The following SCN2A variants were observed in gnomAD, a reference collection of about 807,000 sequenced individuals.
SCN2A encodes the protein sodium channel protein type 2 subunit alpha.
In SCN2A, 20 loss-of-function variants were observed where a neutral mutation model predicts 188.7. The observed-to-expected ratio is 0.11, with a 90% confidence interval of 0.07 to 0.15. SCN2A has a LOEUF of 0.15. Among genes scored for constraint, SCN2A ranks in the 10% least tolerant of loss-of-function variants. The probability of loss-of-function intolerance (pLI) is 1.00; values close to 1 mark genes in which losing one functional copy is unlikely to be tolerated. For synonymous variants in SCN2A, 804 were observed against 833.1 expected (o/e 0.97, Z 0.60); for missense variants, 1,278 against 2,445.0 (o/e 0.52, Z 10.07).
intron 1 of SCN2A, chr2:165,290,851 T>C: frequency 1.2e-6 from 1 of 848,374 alleles, no homozygotes. Flanking sequence ...CATATGTATA[T>C]ATCCCGATAT....
At chr2:165,335,085 A>G (rs986910953) in intron 14 of SCN2A, among the ~76,000 whole-genome samples, 2 of 151,686 alleles carry the variant, frequency 1.3e-5, no homozygotes, top group Non-Finnish European at 3.0e-5. Flanking sequence ...AAAGCTATAA[A>G]ATATTGTTGA....
intron 1 of SCN2A, among the ~76,000 whole-genome samples, chr2:165,291,575 T>TCCTTCCTTTCTCTCTCTCTCTC (rs1460696524): frequency 1.4e-5 from 1 of 70,550 alleles, no homozygotes; most frequent in African/African-American, 4.6e-5. Flanking sequence ...CTTCCTTCCT[T>TCCTTCCTTTCTCTCTCTCTCTC]TCTCTCTCTC....
intron 22 of SCN2A, among the ~76,000 whole-genome samples, chr2:165,376,965 A>G (rs1163252850): frequency 6.6e-6 from 1 of 151,990 alleles, no homozygotes; most frequent in Non-Finnish European, 1.5e-5. Flanking sequence ...GCACTAAGGA[A>G]CTGAAAAAAT....
At chr2:165,366,080 CAT>C (rs1700711534) in intron 18 of SCN2A, among the ~76,000 whole-genome samples, 1 of 152,144 alleles carries the variant, frequency 6.6e-6, no homozygotes, top group Non-Finnish European at 1.5e-5. Flanking sequence ...TCATTTTCTA[CAT>C]ATGTCTCTTA....
chr2:165,335,744 G>A (rs966879325), intron 14 of SCN2A, among the ~76,000 whole-genome samples: 25 of 151,806 alleles, frequency 1.6e-4, no homozygotes, highest in Non-Finnish European at 1.8e-4. Flanking sequence ...GAAAAAAAAG[G>A]TTCATTGGAC....
At chr2:165,347,947 A>C (rs1373151960) in intron 16 of SCN2A, among the ~76,000 whole-genome samples, 3 of 152,198 alleles carry the variant, frequency 2.0e-5, no homozygotes, top group African/African-American at 7.2e-5. Context: ...ACAGGACAGT[A>C]GACTCTGTGA....
At chr2:165,302,010 C>T (rs1016018344) in intron 3 of SCN2A, among the ~76,000 whole-genome samples, 4 of 152,148 alleles carry the variant, frequency 2.6e-5, no homozygotes, top group Non-Finnish European at 5.9e-5. Context: ...TTTAAACCCT[C>T]GGATTTAATA....
At position 165,282,484 on chromosome 2, in the gene SCN2A, A is replaced by G. The variant is rs75272855; in HGVS notation, c.-51-13289A>G. 8.0e-3 allele frequency among the ~76,000 whole-genome samples: 1,225 copies of G among 152,336 alleles called. 58 individuals are homozygous for G. The East Asian group carries it at 0.11, about 14-fold the overall frequency. ...CCAATGAGTACAACATTAAATAGCA[A>G]ATAAAAGCCATCAGATCAGTAGACA... On this transcript the variant is annotated intron_variant, in intron 1 of 26. Transcript: ENST00000375437.
chr2:165,244,837 C>A (rs556558027), intron 1 of SCN2A, among the ~76,000 whole-genome samples: 23 of 151,896 alleles, frequency 1.5e-4, no homozygotes, highest in African/African-American at 5.1e-4. Flanking sequence ...GTGTTATTAG[C>A]AAATAGGTAT....
intron 1 of SCN2A, among the ~76,000 whole-genome samples, chr2:165,274,765 T>G (rs1331381560): frequency 6.6e-6 from 1 of 152,234 alleles, no homozygotes; most frequent in Non-Finnish European, 1.5e-5. Context: ...TAAATTTGGC[T>G]GCTGTACTTT....
intron 1 of SCN2A, among the ~76,000 whole-genome samples, chr2:165,265,229 T>C (rs1221545122): frequency 6.6e-6 from 1 of 151,820 alleles, no homozygotes; most frequent in African/African-American, 2.4e-5. Context: ...TGATAAGTGA[T>C]GTAGAGTTTT....
chr2:165,385,256 A>C (rs568222614), intron 25 of SCN2A, among the ~76,000 whole-genome samples: 5 of 152,276 alleles, frequency 3.3e-5, no homozygotes, highest in Admixed American at 6.5e-5. Flanking sequence ...TATATGTAGC[A>C]GAGTATTAGT....
intron 11 of SCN2A, among the ~76,000 whole-genome samples, chr2:165,322,871 G>C (rs570862550): frequency 6.6e-6 from 1 of 152,304 alleles, no homozygotes; most frequent in African/African-American, 2.4e-5. Flanking sequence ...ACATTATGGG[G>C]ACACTTCTGA....
intron 1 of SCN2A, among the ~76,000 whole-genome samples, chr2:165,251,592 T>G (rs1694096597): frequency 6.6e-6 from 1 of 152,034 alleles, no homozygotes; most frequent in South Asian, 2.1e-4. Context: ...ATTACTGTGG[T>G]TGAATGTAAA....
At chr2:165,294,040 A>AAAT (rs780674346) in intron 1 of SCN2A, 21 of 630,316 alleles carry the variant, frequency 3.3e-5, no homozygotes, top group South Asian at 7.5e-5. Flanking sequence ...AAAAAAAAAG[A>AAAT]TTTTTTTTTT....
At chr2:165,247,819 G>A (rs933816613) in intron 1 of SCN2A, among the ~76,000 whole-genome samples, 4 of 151,940 alleles carry the variant, frequency 2.6e-5, no homozygotes, top group African/African-American at 9.7e-5. Flanking sequence ...TGCTTATTTG[G>A]CTTGGATATC....
At chr2:165,354,694 A>C in intron 17 of SCN2A, 23 bp downstream of exon 17, 1 of 1,609,956 alleles carries the variant, frequency 6.2e-7, no homozygotes, top group Non-Finnish European at 8.5e-7. Context: ...AAATAAGGAG[A>C]TATTTTGGTG....
chr2:165,301,651 C>CCT lies in SCN2A; in HGVS notation c.386+4516_386+4517insCT, dbSNP rs1404482451. Among the ~76,000 whole-genome samples, 6 of 152,228 alleles carry CCT rather than the reference C, an allele frequency of 3.9e-5. No individual in the cohort carries two copies. The Middle Eastern group carries it at 0.017, about 431-fold the overall frequency. ...CCCATGCTAGTACTTAGTAGGTACT[C>CCT]AATAAAGGATATCTATGACAGTAAT... On this transcript the variant is annotated intron_variant, in intron 3 of 26. Transcript: ENST00000375437.
At chr2:165,373,524 A>G (rs1453566626) in intron 21 of SCN2A, among the ~76,000 whole-genome samples, 177 bp downstream of exon 21, 1 of 152,116 alleles carries the variant, frequency 6.6e-6, no homozygotes, top group Non-Finnish European at 1.5e-5. Flanking sequence ...TGCTGGAGTC[A>G]CTCACAGAGT....
Sources: gnomAD v4.1 joint callset for allele counts (sites outside exome capture counted in the v4.1 genomes callset) on GRCh38, gnomAD v4.1.1 for gene constraint, MANE v1.5 for transcripts, NCBI Gene and HGNC (gene_info 2026-07-23, HGNC 2026-07-21) for gene names.